The following SLC4A4 variants were observed in gnomAD, a reference collection of about 807,000 sequenced individuals.
The protein encoded by SLC4A4 is solute carrier family 4 member 4.
In SLC4A4, 27 loss-of-function variants were observed where a neutral mutation model predicts 111.5. The ratio of observed to expected loss-of-function variants is 0.24; its 90% CI spans 0.18 to 0.33. The LOEUF (loss-of-function observed/expected upper bound fraction) is 0.33. Among genes scored for constraint, SLC4A4 ranks in the 10% least tolerant of loss-of-function variants. The pLI is 1.00. For synonymous variants in SLC4A4, 443 were observed against 463.4 expected, an observed-to-expected ratio of 0.96 and a Z score of 0.57; for missense variants, 909 against 1,315.5, an observed-to-expected ratio of 0.69 and a Z score of 4.78.
intron 11 of SLC4A4, 115 bp from the exon 12 acceptor site, chr4:71,453,380 T>C: frequency 9.6e-7 from 1 of 1,044,474 alleles, no homozygotes; most frequent in Non-Finnish European, 1.5e-6. Context: ...AGTAGTATCT[T>C]GTCACTGATT....
chr4:71,217,544 CAG>C (rs1458001878), intron 1 of SLC4A4, among the ~76,000 whole-genome samples: 1 of 152,142 alleles, frequency 6.6e-6, no homozygotes, highest in Non-Finnish European at 1.5e-5. Flanking sequence ...GCCTGGGTGA[CAG>C]AGTGAGACTC....
intron 15 of SLC4A4, among the ~76,000 whole-genome samples, chr4:71,491,334 A>G (rs1268739174): frequency 1.3e-5 from 2 of 151,930 alleles, no homozygotes; most frequent in Non-Finnish European, 2.9e-5. Context: ...TTTATCAGTC[A>G]GTACTCAAAA....
At position 71,494,106 on chromosome 4, in the gene SLC4A4, A is replaced by G. The variant is rs1204181662; in HGVS notation, c.1975-3395A>G. Reference sequence around the variant, plus strand: ...CTCTTTCCTGATGACTCCTAAGTAGATGTCTCTAAACTTGACATCTCTCCT... The same window carrying G: ...CTCTTTCCTGATGACTCCTAAGTAGGTGTCTCTAAACTTGACATCTCTCCT... On this transcript the variant is annotated intron_variant, in intron 15 of 25. Coordinates refer to ENST00000264485, the MANE Select transcript of SLC4A4 (RefSeq NM_001098484.3). 8.5e-5 allele frequency among the ~76,000 whole-genome samples: 13 copies of G among 152,090 alleles called. No individual in the cohort carries two copies. In the East Asian group the frequency reaches 2.5e-3, roughly 30 times the overall value.
chr4:71,159,147 T>C lies in SLC4A4; in HGVS notation c.-2+66355T>C, dbSNP rs574248491. ...CATATCTATATCTAGATAATGAAAA[T>C]GGTATCATGCCTTGCATATAGCACT... On this transcript the variant is annotated intron_variant, in intron 2 of 26. Transcript: ENST00000649996. 9.6e-4 allele frequency among the ~76,000 whole-genome samples: 146 copies of C among 152,322 alleles called. 1 individual carries two copies. The highest frequency in any genetic ancestry group is 1.7e-3 in the Non-Finnish European group (115 of 68,026).
chr4:71,540,494 G>A (rs1734941571), intron 18 of SLC4A4, among the ~76,000 whole-genome samples: 1 of 152,138 alleles, frequency 6.6e-6, no homozygotes, highest in Admixed American at 6.5e-5. Context: ...TGTATTCATG[G>A]AAACAAGAAG....
chr4:71,341,525 T>C (rs1728905244), intron 4 of SLC4A4, among the ~76,000 whole-genome samples: 1 of 152,272 alleles, frequency 6.6e-6, no homozygotes, highest in Non-Finnish European at 1.5e-5. Context: ...AGCCTTTCCC[T>C]TTATGGATGA....
intron 18 of SLC4A4, among the ~76,000 whole-genome samples, chr4:71,542,865 CAG>C (rs1735186061): frequency 6.6e-6 from 1 of 152,110 alleles, no homozygotes; most frequent in Admixed American, 6.6e-5. Context: ...CAGGGTCTAG[CAG>C]AGTGCCATTG....
intron 6 of SLC4A4, among the ~76,000 whole-genome samples, chr4:71,380,949 GACA>G (rs1313603645): frequency 6.6e-6 from 1 of 152,266 alleles, no homozygotes; most frequent in Non-Finnish European, 1.5e-5. Context: ...CTCAATGAAG[GACA>G]ACAAGTCGGC....
intron 24 of SLC4A4, among the ~76,000 whole-genome samples, chr4:71,565,397 A>G (rs1737378674): frequency 6.6e-6 from 1 of 151,608 alleles, no homozygotes; most frequent in African/African-American, 2.4e-5. Context: ...GCATACTCCT[A>G]CCTATTGGGG....
chr4:71,534,217 CTT>C lies in SLC4A4; in HGVS notation c.2281-6_2281-5del, dbSNP rs1375105446. On this transcript the variant is annotated splice_polypyrimidine_tract_variant and splice_region_variant and intron_variant, in intron 17 of 25. Transcript: ENST00000264485. Reference sequence around the variant, plus strand: ...TAATTTTCTGAAAAATGTCATCTGTCTTTTTCAAGCCAACAAGTCCAAACCGA... The same window carrying C: ...TAATTTTCTGAAAAATGTCATCTGTCTTTCAAGCCAACAAGTCCAAACCGA... 2 of 1,613,152 alleles carry C rather than the reference CTT, an allele frequency of 1.2e-6. No individual in the cohort carries two copies. Among genetic ancestry groups the C allele is most frequent in the Admixed American group, 3.3e-5 (2 of 59,908 alleles).
intron 3 of SLC4A4, among the ~76,000 whole-genome samples, chr4:71,301,943 G>A (rs990188728): frequency 1.3e-5 from 2 of 152,230 alleles, no homozygotes; most frequent in African/African-American, 2.4e-5. Flanking sequence ...CTTCTGAAGA[G>A]CACTTTCTAT....
At chr4:71,282,897 A>C (rs1723637437) in intron 3 of SLC4A4, among the ~76,000 whole-genome samples, 1 of 152,106 alleles carries the variant, frequency 6.6e-6, no homozygotes, top group South Asian at 2.1e-4. Flanking sequence ...ATTAGACCAA[A>C]AACCCTGGGA....
chr4:71,230,407 G>A (rs1042919776), intron 1 of SLC4A4, among the ~76,000 whole-genome samples: 18 of 152,184 alleles, frequency 1.2e-4, no homozygotes, highest in Non-Finnish European at 1.3e-4. Flanking sequence ...TCACTCCCCT[G>A]TGTGCGTCAC....
At position 71,101,362 on chromosome 4, in the gene SLC4A4, C is replaced by T. The variant is rs80260243; in HGVS notation, c.-2+8570C>T. ...AGCAATTTACAGATTCAATGCTGTA[C>T]CTATCAAACTACATTGACATTCAAA... On this transcript the variant is annotated intron_variant, in intron 2 of 26. Coordinates refer to the SLC4A4 transcript ENST00000649996. Among the ~76,000 whole-genome samples, 1,460 of 152,220 alleles carry T rather than the reference C, an allele frequency of 9.6e-3. 27 individuals are homozygous for T. Among genetic ancestry groups the T allele is most frequent in the African/African-American group, 0.034 (1,409 of 41,538 alleles).
At chr4:71,529,120 C>A (rs1275792882) in intron 16 of SLC4A4, among the ~76,000 whole-genome samples, 1 of 151,932 alleles carries the variant, frequency 6.6e-6, no homozygotes, top group African/African-American at 2.4e-5. Flanking sequence ...ATTTTTGGAA[C>A]AATAGCAACA....
intron 7 of SLC4A4, among the ~76,000 whole-genome samples, chr4:71,403,781 T>C (rs1161276759): frequency 6.6e-6 from 1 of 152,182 alleles, no homozygotes; most frequent in Non-Finnish European, 1.5e-5. Flanking sequence ...AGAGTTTGTA[T>C]GTTCTGATTT....
At chr4:71,375,290 GC>G in intron 6 of SLC4A4, among the ~76,000 whole-genome samples, 2 of 152,286 alleles carry the variant, frequency 1.3e-5, no homozygotes, top group South Asian at 4.2e-4. Flanking sequence ...CTTGAGTCTG[GC>G]ATTCAAGGCC....
At chr4:71,432,739 C>T (rs372749920) in intron 7 of SLC4A4, among the ~76,000 whole-genome samples, 37 of 151,814 alleles carry the variant, frequency 2.4e-4, no homozygotes, top group African/African-American at 8.9e-4. Context: ...TTAAAAAAAT[C>T]TTTAAAAAGC....
intron 15 of SLC4A4, 55 bp from the exon 16 acceptor site, chr4:71,497,446 C>T: frequency 6.9e-7 from 1 of 1,444,966 alleles, no homozygotes. Context: ...GTATCAAAGG[C>T]TGCTTTTTAT....
Sources: gnomAD v4.1 joint callset for allele counts (sites outside exome capture counted in the v4.1 genomes callset) on GRCh38, gnomAD v4.1.1 for gene constraint, MANE v1.5 for transcripts, NCBI Gene and HGNC (gene_info 2026-07-23, HGNC 2026-07-21) for gene names.